CNTN6: variants seen among roughly 807,000 people sequenced by gnomAD.
CNTN6 encodes contactin-6.
In CNTN6, 137 loss-of-function variants were observed where a neutral mutation model predicts 122.8. The ratio of observed to expected loss-of-function variants is 1.12; its 90% CI spans 0.97 to 1.29. The LOEUF is 1.29. CNTN6 is among the 50% of genes most tolerant of loss of function. The pLI, the probability that CNTN6 is intolerant of heterozygous loss-of-function variation, is 0.00. For synonymous variants in CNTN6, 570 were observed against 426.0 expected (o/e 1.34, Z -4.16); for missense variants, 1,634 against 1,223.4 (o/e 1.34, Z -5.01).
chr3:1,191,769 C>G (rs1207915057), intron 2 of CNTN6, among the ~76,000 whole-genome samples: 1 of 152,136 alleles, frequency 6.6e-6, no homozygotes, highest in African/African-American at 2.4e-5. Context: ...GCTACACTTA[C>G]TCTAGGTAGT....
At chr3:1,224,448 G>C (rs924057161) in intron 3 of CNTN6, among the ~76,000 whole-genome samples, 1 of 152,250 alleles carries the variant, frequency 6.6e-6, no homozygotes, top group East Asian at 1.9e-4. Context: ...ACAAATGATA[G>C]ATTTTTGAGG....
At chr3:1,212,601 C>T (rs1187293762) in intron 2 of CNTN6, among the ~76,000 whole-genome samples, 2 of 151,802 alleles carry the variant, frequency 1.3e-5, no homozygotes, top group African/African-American at 4.8e-5. Flanking sequence ...TACAATTACT[C>T]ACTGATTGTA....
At chr3:1,146,664 G>GTAGA (rs1352561288) in intron 1 of CNTN6, among the ~76,000 whole-genome samples, 2 of 151,972 alleles carry the variant, frequency 1.3e-5, no homozygotes, top group East Asian at 3.9e-4. Context: ...TGCCTCAAAG[G>GTAGA]TAGAAATGAA....
intron 1 of CNTN6, among the ~76,000 whole-genome samples, chr3:1,102,161 A>G (rs1191817649): frequency 6.6e-6 from 1 of 152,156 alleles, no homozygotes; most frequent in Non-Finnish European, 1.5e-5. Context: ...TTTATTTTCA[A>G]TGCCTTTTTT....
At chr3:1,150,944 G>A (rs2092828387) in intron 2 of CNTN6, among the ~76,000 whole-genome samples, 2 of 152,154 alleles carry the variant, frequency 1.3e-5, no homozygotes, top group Non-Finnish European at 2.9e-5. Flanking sequence ...CTTCAGGACT[G>A]AGGAAGGGAT....
chr3:1,107,474 T>G (rs2091280088), intron 1 of CNTN6, among the ~76,000 whole-genome samples: 1 of 152,130 alleles, frequency 6.6e-6, no homozygotes, highest in South Asian at 2.1e-4. Flanking sequence ...CACTTTTTAT[T>G]GCACATATTG....
chr3:1,154,659 T>C (rs900792237), intron 2 of CNTN6, among the ~76,000 whole-genome samples: 2 of 152,060 alleles, frequency 1.3e-5, no homozygotes, highest in Admixed American at 1.3e-4. Flanking sequence ...GTCAGACTGG[T>C]CTCGAACTCC....
At chr3:1,111,842 G>A (rs1415768600) in intron 1 of CNTN6, among the ~76,000 whole-genome samples, 5 of 152,142 alleles carry the variant, frequency 3.3e-5, no homozygotes, top group Non-Finnish European at 7.3e-5. Context: ...GTTGTGCCGT[G>A]CCCAGTGGTA....
intron 1 of CNTN6, among the ~76,000 whole-genome samples, chr3:1,123,878 G>C (rs545079599): frequency 1.3e-5 from 2 of 152,022 alleles, no homozygotes; most frequent in South Asian, 4.1e-4. Context: ...TTTTCTGAAT[G>C]TTTTTATCAT....
intron 3 of CNTN6, among the ~76,000 whole-genome samples, chr3:1,224,627 A>C (rs1162412427): frequency 6.6e-6 from 1 of 152,214 alleles, no homozygotes; most frequent in Non-Finnish European, 1.5e-5. Context: ...TGTAATTCTA[A>C]AGCACAGCCT....
chr3:1,379,852 A>G (rs1386709305), intron 17 of CNTN6, among the ~76,000 whole-genome samples: 1 of 152,160 alleles, frequency 6.6e-6, no homozygotes, highest in Non-Finnish European at 1.5e-5. Flanking sequence ...TAAGTTATGT[A>G]TATTTAGGAG....
chr3:1,185,966 T>C (rs1048247460), intron 2 of CNTN6, among the ~76,000 whole-genome samples: 1 of 152,164 alleles, frequency 6.6e-6, no homozygotes, highest in African/African-American at 2.4e-5. Context: ...ATTTAACAAA[T>C]ATCAATTAAT....
intron 4 of CNTN6, among the ~76,000 whole-genome samples, chr3:1,261,844 G>A (rs556446218): frequency 2.6e-5 from 4 of 152,272 alleles, no homozygotes; most frequent in Admixed American, 2.0e-4. Flanking sequence ...AAGGTCACAT[G>A]TAATAAGACA....
chr3:1,170,110 G>T (rs546422850), intron 2 of CNTN6, among the ~76,000 whole-genome samples: 54 of 151,788 alleles, frequency 3.6e-4, no homozygotes, highest in African/African-American at 1.2e-3. Flanking sequence ...GGTGGTGCAA[G>T]CCTGTAGCCC....
chr3:1,148,115 A>G (rs2092762046), intron 2 of CNTN6, 52 bp downstream of exon 2: 3 of 1,371,436 alleles, frequency 2.2e-6, no homozygotes, highest in Non-Finnish European at 3.1e-6. Flanking sequence ...TTGGCATTGT[A>G]TTTCTTTCTA....
intron 4 of CNTN6, among the ~76,000 whole-genome samples, chr3:1,232,326 C>G (rs565108743): frequency 6.6e-6 from 1 of 152,266 alleles, no homozygotes; most frequent in Admixed American, 6.5e-5. Flanking sequence ...TATTCATCCT[C>G]CAAGCAACCG....
intron 1 of CNTN6, among the ~76,000 whole-genome samples, chr3:1,108,054 G>C (rs1293949324): frequency 6.6e-6 from 1 of 151,944 alleles, no homozygotes; most frequent in African/African-American, 2.4e-5. Context: ...GACATAGATA[G>C]CTCCCAGCAT....
intron 5 of CNTN6, among the ~76,000 whole-genome samples, chr3:1,282,127 C>T (rs527317675): frequency 2.0e-5 from 3 of 152,158 alleles, no homozygotes; most frequent in South Asian, 4.2e-4. Flanking sequence ...ATGGTTTTTC[C>T]ATGTAAATGA....
chr3:1,344,691 C>T (rs1033055980), intron 11 of CNTN6, among the ~76,000 whole-genome samples: 2 of 152,304 alleles, frequency 1.3e-5, no homozygotes, highest in African/African-American at 2.4e-5. Flanking sequence ...TTGGGACTCA[C>T]ACAACTCTTC....
Sources: allele counts gnomAD v4.1 joint callset (sites outside exome capture counted in the v4.1 genomes callset), GRCh38; gene constraint gnomAD v4.1.1; transcripts MANE v1.5; gene names NCBI Gene and HGNC (gene_info 2026-07-23, HGNC 2026-07-21).